FAM114A2: variants seen among roughly 807,000 people sequenced by gnomAD.
FAM114A2 encodes protein FAM114A2.
A neutral mutation model predicts 58.4 loss-of-function variants in FAM114A2; 53 were observed. The observed-to-expected ratio is 0.91, with a 90% CI of 0.73 to 1.14. The LOEUF is 1.14. Among genes scored for constraint, FAM114A2 ranks in the 50% most tolerant of loss-of-function variants. FAM114A2 has a pLI of 0.00. For missense variants in FAM114A2, 601 were observed against 581.1 expected (o/e 1.03, Z -0.35); for synonymous variants, 228 against 211.4 (o/e 1.08, Z -0.68).
rs187433555 is a variant in FAM114A2 at position 154,037,617 on chromosome 5, C to A, written c.-15+1240G>T. ...TCTCCAGGTTGCAACGCATCATTATCATCATCATAAATATATACAGTATAC... is the reference window on the plus strand; with the variant it reads ...TCTCCAGGTTGCAACGCATCATTATAATCATCATAAATATATACAGTATAC... On this transcript the variant is annotated intron_variant, in intron 1 of 13. Transcript: ENST00000351797. Among the ~76,000 whole-genome samples, 9 of 152,216 alleles carry A rather than the reference C, an allele frequency of 5.9e-5. No individual in the cohort carries two copies. In the South Asian group the frequency reaches 8.3e-4, roughly 14 times the overall value.
chr5:154,038,378 G>C (rs915979570), intron 1 of FAM114A2: 1 of 152,280 alleles, frequency 6.6e-6, no homozygotes, highest in Non-Finnish European at 1.5e-5. Flanking sequence ...TTGTGGGGAA[G>C]TCAGGTCACC....
rs1250642583 is a variant in FAM114A2, at chr5:153,990,714, CTTA to C, written c.*2259_*2261del. The stretch of plus-strand genomic sequence containing the variant: ...ACCCTAGCAATACCTGAACATTTCA[CTTA>C]TTAAGGTTTTAAGTGAATTGGAAAG... On this transcript the variant is annotated 3_prime_UTR_variant, in exon 14 of 14. Coordinates refer to ENST00000351797, the MANE Select transcript of FAM114A2 (RefSeq NM_018691.4). The C allele has an allele frequency of 1.3e-5, 2 of 152,072 alleles. No individual in the cohort carries two copies. The highest frequency in any genetic ancestry group is 2.4e-5 in the African/African-American group (1 of 41,394). The allele number at this position is 152,072 out of a possible 1,614,324, so 9.4% of individuals were successfully genotyped here.
At chr5:154,003,928 G>A (rs1292011990) in intron 9 of FAM114A2, among the ~76,000 whole-genome samples, 1 of 152,146 alleles carries the variant, frequency 6.6e-6, no homozygotes, top group Non-Finnish European at 1.5e-5. Context: ...TGGTGGTCCT[G>A]TAAGACTGTA....
chr5:154,021,888 A>C (rs1771442725), intron 8 of FAM114A2, among the ~76,000 whole-genome samples: 2 of 152,160 alleles, frequency 1.3e-5, no homozygotes, highest in Non-Finnish European at 2.9e-5. Context: ...TATAGACTTC[A>C]AACTATACTA....
chr5:154,018,532 A>C (rs964786682), intron 8 of FAM114A2, among the ~76,000 whole-genome samples: 2 of 152,174 alleles, frequency 1.3e-5, no homozygotes, highest in African/African-American at 2.4e-5. Context: ...CAAGATAAAG[A>C]GGGAACCCTC....
At chr5:154,002,089 G>A (rs962314176) in intron 11 of FAM114A2, among the ~76,000 whole-genome samples, 162 bp downstream of exon 11, 3 of 152,106 alleles carry the variant, frequency 2.0e-5, no homozygotes, top group Non-Finnish European at 1.5e-5. Flanking sequence ...ATTTATCATG[G>A]TTCAATGAAA....
chr5:153,998,278 T>C (rs1223778630), intron 11 of FAM114A2, among the ~76,000 whole-genome samples: 4 of 152,232 alleles, frequency 2.6e-5, no homozygotes, highest in African/African-American at 7.2e-5. Context: ...GACTGACTGT[T>C]GTGTTATCAC....
Position 154,013,329 on chromosome 5 carries a change from G to GA in FAM114A2, c.914-2010dup, listed in dbSNP as rs544729574. On this transcript the variant is annotated intron_variant, in intron 8 of 13. Transcript: ENST00000351797. ...GGGGCAAGAGCCCAGGATGCTCATGGAAAATGAAGATAACCAACATCATAA... is the reference window on the plus strand; with the variant it reads ...GGGGCAAGAGCCCAGGATGCTCATGGAAAAATGAAGATAACCAACATCATAA... Among the ~76,000 whole-genome samples, 21 of 152,312 alleles carry GA rather than the reference G, an allele frequency of 1.4e-4. 1 individual carries two copies. In the South Asian group the frequency reaches 4.3e-3, roughly 32 times the overall value.
chr5:154,014,896 T>C (rs1770933927), intron 8 of FAM114A2, among the ~76,000 whole-genome samples: 1 of 152,110 alleles, frequency 6.6e-6, no homozygotes, highest in African/African-American at 2.4e-5. Context: ...GGGAGGTGGG[T>C]AGTCTGGGGC....
At chr5:154,012,890 A>G (rs1006049043) in intron 8 of FAM114A2, among the ~76,000 whole-genome samples, 64 of 152,150 alleles carry the variant, frequency 4.2e-4, no homozygotes, top group African/African-American at 1.5e-3. Context: ...GGGCAGGAAA[A>G]AAAATGGACT....
chr5:154,003,177 G>GCTTTTTTTTTTTTTTTTTTTTTTTTTTT (rs369892098), intron 9 of FAM114A2, among the ~76,000 whole-genome samples: 1 of 134,882 alleles, frequency 7.4e-6, no homozygotes, highest in African/African-American at 2.7e-5. Flanking sequence ...CTAATTGGTA[G>GCTTTTTTTTTTTTTTTTTTTTTTTTTTT]TATTTTTTTT....
chr5:154,011,855 GGAA>G (rs1413880046), intron 8 of FAM114A2, among the ~76,000 whole-genome samples: 2 of 152,266 alleles, frequency 1.3e-5, no homozygotes, highest in East Asian at 1.9e-4. Context: ...AGAAAGTATG[GGAA>G]GAAGTTTAAT....
At chr5:153,998,000 G>T (rs1769696009) in intron 11 of FAM114A2, 125 bp from the exon 12 acceptor site, 2 of 619,006 alleles carry the variant, frequency 3.2e-6, no homozygotes, top group South Asian at 2.4e-5. Flanking sequence ...AGCTTTTCAA[G>T]GGAGTAAATA....
chr5:153,997,930 T>A, intron 11 of FAM114A2, 55 bp from the exon 12 acceptor site: 2 of 1,060,480 alleles, frequency 1.9e-6, no homozygotes, highest in Non-Finnish European at 2.9e-6. Flanking sequence ...AAAAATAAGT[T>A]ATATTTAACA....
intron 9 of FAM114A2, among the ~76,000 whole-genome samples, chr5:154,008,356 C>A (rs6580047): frequency 0.61 from 93,303 of 151,916 alleles, 29,180 homozygotes; most frequent in East Asian, 0.88. Flanking sequence ...AAAATTAACA[C>A]ATAGGGCAGC....
chr5:154,036,400 C>T (rs1772560682), intron 1 of FAM114A2: 1 of 152,134 alleles, frequency 6.6e-6, no homozygotes, highest in African/African-American at 2.4e-5. Flanking sequence ...AAAGAACAGA[C>T]ACTAGTTTCC....
chr5:154,027,791 G>A lies in FAM114A2; in HGVS notation c.630+358C>T, dbSNP rs568992920. 3.3e-5 allele frequency among the ~76,000 whole-genome samples: 5 copies of A among 152,184 alleles called. No individual in the cohort carries two copies. In the South Asian group the frequency reaches 6.2e-4, roughly 19 times the overall value. Reference sequence around the variant, plus strand: ...GCTGGTATTACAGCCGTGAGCCACCGTGCCTGACCACATAATTTGATCCTA... The same window carrying A: ...GCTGGTATTACAGCCGTGAGCCACCATGCCTGACCACATAATTTGATCCTA... On this transcript the variant is annotated intron_variant, in intron 6 of 13. Coordinates refer to ENST00000351797, the MANE Select transcript of FAM114A2 (RefSeq NM_018691.4).
intron 4 of FAM114A2, among the ~76,000 whole-genome samples, chr5:154,032,969 G>C (rs720985): frequency 2.0e-5 from 3 of 151,994 alleles, no homozygotes; most frequent in Non-Finnish European, 2.9e-5. Context: ...AGTGCCTCCA[G>C]TTCACATCCA....
chr5:154,026,387 T>C lies in FAM114A2; in HGVS notation c.913+12A>G. ...GCATCCTCTCCACTCAGATACTAAA[T>C]TTTCATATTACCTTTTTTCTCTTCT... On this transcript the variant is annotated intron_variant, in intron 8 of 13. Coordinates refer to ENST00000351797, the MANE Select transcript of FAM114A2 (RefSeq NM_018691.4). The C allele has an allele frequency of 6.5e-7, 1 of 1,546,766 alleles. No homozygotes were observed. The highest frequency in any genetic ancestry group is 1.3e-5 in the South Asian group (1 of 79,220).
Sources: gnomAD v4.1 joint callset for allele counts (sites outside exome capture counted in the v4.1 genomes callset) on GRCh38, gnomAD v4.1.1 for gene constraint, MANE v1.5 for transcripts, NCBI Gene and HGNC (gene_info 2026-07-23, HGNC 2026-07-21) for gene names.